The following CPE variants were observed in gnomAD, a reference collection of about 807,000 sequenced individuals.
CPE encodes the protein carbocypeptidase E.
In CPE, 17 loss-of-function variants were observed where a neutral mutation model predicts 53.5. The ratio of observed to expected loss-of-function variants is 0.32; its 90% confidence interval spans 0.22 to 0.48. The LOEUF (loss-of-function observed/expected upper bound fraction) is 0.48. Among genes scored for constraint, CPE ranks in the 20% least tolerant of loss-of-function variants. The pLI is 0.99. For missense variants in CPE, 524 were observed against 614.7 expected (o/e 0.85, Z 1.56); for synonymous variants, 226 against 228.8 (o/e 0.99, Z 0.11).
In CPE at chr4:165,467,685, T is replaced by C. The variant is rs1732131676; in HGVS notation, c.505-3T>C. The C allele has an allele frequency of 1.9e-6, 3 of 1,563,650 alleles. No homozygotes were observed. The highest frequency in any genetic ancestry group is 2.1e-5 in the Admixed American group (1 of 47,236). ...TTTTTCTCTTTGACTTTTTTTTTTT[T>C]AGCCTGGTGAACTCAAGGACTGGTT... On this transcript the variant is annotated splice_polypyrimidine_tract_variant and splice_region_variant and intron_variant, in intron 2 of 8. Transcript: ENST00000402744.
intron 1 of CPE, among the ~76,000 whole-genome samples, chr4:165,447,786 T>A (rs761668736): frequency 5.1e-4 from 78 of 152,252 alleles, no homozygotes; most frequent in Non-Finnish European, 8.7e-4. Flanking sequence ...TTTTGTATTT[T>A]AAAAATTTTT....
At chr4:165,406,055 C>T (rs1413794622) in intron 1 of CPE, 2 of 758,666 alleles carry the variant, frequency 2.6e-6, no homozygotes, top group African/African-American at 1.7e-5. Flanking sequence ...TACAATAAAG[C>T]AGCCTGGCTT....
intron 3 of CPE, among the ~76,000 whole-genome samples, chr4:165,470,797 C>T (rs547005010): frequency 1.4e-4 from 21 of 152,282 alleles, no homozygotes; most frequent in Admixed American, 4.6e-4. Flanking sequence ...GTAACTGCTT[C>T]CTACTGATAG....
At chr4:165,479,211 A>G (rs1732357774) in intron 3 of CPE, among the ~76,000 whole-genome samples, 1 of 152,230 alleles carries the variant, frequency 6.6e-6, no homozygotes, top group Admixed American at 6.5e-5. Context: ...TCACTTAAAA[A>G]AGCATATGCA....
intron 8 of CPE, among the ~76,000 whole-genome samples, chr4:165,496,521 T>C (rs1270265865): frequency 1.3e-5 from 2 of 152,150 alleles, no homozygotes; most frequent in Non-Finnish European, 2.9e-5. Flanking sequence ...CTTTCTGGCA[T>C]GTGTTAGTGC....
chr4:165,446,183 A>G (rs1207097245), intron 1 of CPE, among the ~76,000 whole-genome samples: 1 of 152,210 alleles, frequency 6.6e-6, no homozygotes, highest in African/African-American at 2.4e-5. Context: ...CTTTAAAAAC[A>G]GGAAAAATCC....
Position 165,484,380 on chromosome 4 carries a change from G to A in CPE, c.791-42G>A, listed in dbSNP as rs1732466714. ...CTTTAGAAAACATGCTGTGCTGCTT[G>A]GTCTGTGTCTGTTTCTTTAATCTTG... On this transcript the variant is annotated intron_variant, in intron 4 of 8. Transcript: ENST00000402744. The A allele has an allele frequency of 2.2e-5, 34 of 1,564,368 alleles. No homozygotes were observed. In the East Asian group the frequency reaches 7.4e-4, roughly 34 times the overall value.
intron 1 of CPE, among the ~76,000 whole-genome samples, chr4:165,451,610 G>T (rs1731811303): frequency 6.6e-6 from 1 of 152,110 alleles, no homozygotes; most frequent in Non-Finnish European, 1.5e-5. Flanking sequence ...TCCTGCCTCA[G>T]CCTCCTGAGT....
intron 1 of CPE, among the ~76,000 whole-genome samples, chr4:165,400,987 T>TC (rs1730857213): frequency 1.3e-5 from 2 of 152,302 alleles, no homozygotes; most frequent in South Asian, 4.1e-4. Context: ...TTATGAGTTA[T>TC]CCCAGCTCTT....
intron 3 of CPE, among the ~76,000 whole-genome samples, chr4:165,477,727 GAGAA>G: frequency 7.5e-6 from 1 of 133,950 alleles, no homozygotes; most frequent in African/African-American, 3.1e-5. Flanking sequence ...GTATAGCTGT[GAGAA>G]AAAAAAAAAA....
At chr4:165,416,032 C>T (rs1029885484) in intron 1 of CPE, among the ~76,000 whole-genome samples, 6 of 152,072 alleles carry the variant, frequency 3.9e-5, no homozygotes, top group South Asian at 2.1e-4. Context: ...ATGGCGTTAA[C>T]GTTTTTCTTA....
At chr4:165,495,719 A>G in intron 8 of CPE, 42 bp downstream of exon 8, 3 of 1,369,666 alleles carry the variant, frequency 2.2e-6, no homozygotes, top group Non-Finnish European at 3.1e-6. Context: ...AATAATAATT[A>G]AGCATTTATC....
intron 1 of CPE, among the ~76,000 whole-genome samples, chr4:165,429,668 C>T (rs1731377157): frequency 6.6e-6 from 1 of 151,416 alleles, no homozygotes; most frequent in Non-Finnish European, 1.5e-5. Flanking sequence ...TGCCTCTGCA[C>T]TCCAGCTTGG....
intron 1 of CPE, among the ~76,000 whole-genome samples, chr4:165,444,839 AG>A (rs1321360288): frequency 1.3e-5 from 2 of 152,256 alleles, no homozygotes; most frequent in Non-Finnish European, 2.9e-5. Flanking sequence ...CCAGATCCCT[AG>A]TCATTGCAAG....
intron 3 of CPE, among the ~76,000 whole-genome samples, chr4:165,472,130 C>T (rs1732217699): frequency 6.6e-6 from 1 of 152,122 alleles, no homozygotes; most frequent in Non-Finnish European, 1.5e-5. Flanking sequence ...ATGTTTTAAG[C>T]AAAAAGTCAT....
At chr4:165,414,907 C>A (rs751033328) in intron 1 of CPE, among the ~76,000 whole-genome samples, 1 of 150,730 alleles carries the variant, frequency 6.6e-6, no homozygotes, top group Admixed American at 6.6e-5. Flanking sequence ...TACAAAATGC[C>A]AGATTGGAAA....
intron 1 of CPE, among the ~76,000 whole-genome samples, chr4:165,399,932 G>A (rs546703384): frequency 3.9e-4 from 59 of 152,016 alleles, no homozygotes; most frequent in Non-Finnish European, 7.9e-4. Flanking sequence ...TCTAAGAGTG[G>A]GTTCCAAGAT....
chr4:165,379,773 G>C lies in CPE; in HGVS notation c.307+245G>C, dbSNP rs1730472592. Among the ~76,000 whole-genome samples the C allele has an allele frequency of 6.6e-6, 1 of 152,198 alleles. No homozygotes were observed. The highest frequency in any genetic ancestry group is 6.5e-5 in the Admixed American group (1 of 15,286). On this transcript the variant is annotated intron_variant, in intron 1 of 8. Coordinates refer to ENST00000402744, the MANE Select transcript of CPE (RefSeq NM_001873.4). This position sits in a 1 kb window ranked among gnomAD's most constrained non-coding sequence, Gnocchi z 6.0. ...CCCCAGCACCAATCCCATCTCCCCA[G>C]ACCTTAGGCCACCCTCTAGTAAGTA...
chr4:165,440,209 A>T (rs1035226480), intron 1 of CPE, among the ~76,000 whole-genome samples: 1 of 152,132 alleles, frequency 6.6e-6, no homozygotes, highest in Non-Finnish European at 1.5e-5. Context: ...AAAACTCCTA[A>T]TGTTCTTCTG....
Sources: gnomAD v4.1 joint callset for allele counts (sites outside exome capture counted in the v4.1 genomes callset) on GRCh38, gnomAD v4.1.1 for gene constraint, Gnocchi (gnomAD v3.1) non-coding constraint, MANE v1.5 for transcripts, NCBI Gene and HGNC (gene_info 2026-07-23, HGNC 2026-07-21) for gene names.